The following VPS13C variants were observed in gnomAD, a reference collection of about 807,000 sequenced individuals.
The protein encoded by VPS13C is intermembrane lipid transfer protein VPS13C.
A neutral mutation model predicts 456.8 loss-of-function variants in VPS13C; 358 were observed. The ratio of observed to expected loss-of-function variants is 0.78; its 90% CI spans 0.72 to 0.86. The LOEUF (loss-of-function observed/expected upper bound fraction) is 0.86. Among genes scored for constraint, VPS13C ranks in the 40% least tolerant of loss-of-function variants. The pLI is 0.00. For missense variants in VPS13C, 4,818 were observed against 4,385.4 expected, an observed-to-expected ratio of 1.10 and a Z score of -2.79; for synonymous variants, 1,578 against 1,486.7, an observed-to-expected ratio of 1.06 and a Z score of -1.41.
At chr15:61,983,757 G>C in intron 20 of VPS13C, 63 bp downstream of exon 20, 1 of 1,501,932 alleles carries the variant, frequency 6.7e-7, no homozygotes, top group African/African-American at 1.4e-5. Context: ...GGAGAAATAA[G>C]AAAACAGTAT....
intron 16 of VPS13C, among the ~76,000 whole-genome samples, 190 bp downstream of exon 16, chr15:62,000,373 AT>A (rs1213072408): frequency 6.6e-6 from 1 of 152,134 alleles, no homozygotes; most frequent in African/African-American, 2.4e-5. Flanking sequence ...TCAAAAAAAA[AT>A]AATAATAAAA....
chr15:61,937,635 C>T (rs756906351), intron 47 of VPS13C, among the ~76,000 whole-genome samples: 3 of 152,114 alleles, frequency 2.0e-5, no homozygotes, highest in Non-Finnish European at 2.9e-5. Flanking sequence ...CCACCACGCC[C>T]GGCTAATTTT....
chr15:61,927,396 G>GT, intron 51 of VPS13C, 76 bp from the exon 52 acceptor site: 1 of 1,156,898 alleles, frequency 8.6e-7, no homozygotes, highest in Non-Finnish European at 1.3e-6. Flanking sequence ...TCTACAAGTT[G>GT]TTAAGTTGTT....
intron 12 of VPS13C, among the ~76,000 whole-genome samples, chr15:62,011,073 T>C (rs2047023147): frequency 6.6e-6 from 1 of 152,160 alleles, no homozygotes; most frequent in Non-Finnish European, 1.5e-5. Context: ...CACTTTATTA[T>C]TGTCAAAATA....
chr15:61,957,952 C>T (rs1404441637), intron 37 of VPS13C, among the ~76,000 whole-genome samples: 1 of 151,318 alleles, frequency 6.6e-6, no homozygotes, highest in Non-Finnish European at 1.5e-5. Context: ...TTAAAAACAG[C>T]AAAGTGAATA....
intron 35 of VPS13C, among the ~76,000 whole-genome samples, 171 bp downstream of exon 35, chr15:61,961,407 ACACACACACAC>A (rs2045199703): frequency 9.4e-6 from 1 of 106,310 alleles, no homozygotes; most frequent in Non-Finnish European, 2.0e-5. Flanking sequence ...ACACACACAC[ACACACACACAC>A]ACACACACAC....
rs755635031 is a variant in VPS13C at position 61,981,336 on chromosome 15, A to G, written c.2166+6T>C. ...TGGGCAGACAAAAAAACGCATATAT[A>G]CCTACCTGAAATGTACCAAAATCTA... On this transcript the variant is annotated splice_donor_region_variant and intron_variant, in intron 22 of 84. Coordinates refer to ENST00000644861, the MANE Select transcript of VPS13C (RefSeq NM_020821.3). 6.2e-7 allele frequency: 1 copy of G among 1,604,594 alleles called. No homozygotes were observed. Among genetic ancestry groups the G allele is most frequent in the South Asian group, 1.1e-5 (1 of 89,184 alleles).
chr15:61,980,417 C>T (rs2045845917), intron 22 of VPS13C, among the ~76,000 whole-genome samples: 1 of 152,092 alleles, frequency 6.6e-6, no homozygotes, highest in African/African-American at 2.4e-5. Flanking sequence ...ATAGCATCCG[C>T]TTATTGTGAG....
chr15:61,900,150 A>G (rs1454388041), intron 66 of VPS13C, among the ~76,000 whole-genome samples: 3 of 152,182 alleles, frequency 2.0e-5, no homozygotes, highest in Non-Finnish European at 4.4e-5. Context: ...ACCCACAGCC[A>G]ATATCATACT....
chr15:61,917,858 CA>C (rs1263010669), intron 59 of VPS13C, among the ~76,000 whole-genome samples: 4 of 151,948 alleles, frequency 2.6e-5, no homozygotes, highest in Admixed American at 2.6e-4. Context: ...AAACAAAAAA[CA>C]ACTCTGTAAA....
chr15:61,912,004 C>A lies in VPS13C; in HGVS notation c.8551G>T (p.Val2851Phe), dbSNP rs780257266. The A allele has an allele frequency of 1.3e-6, 2 of 1,575,284 alleles. No individual in the cohort carries two copies. Among genetic ancestry groups the A allele is most frequent in the African/African-American group, 1.4e-5 (1 of 74,060 alleles). The change falls in exon 63 of 85, where the codon GTT becomes TTT. Residue 2851 changes from valine to phenylalanine, a missense_variant and splice_region_variant. Transcript: ENST00000644861. ...CTGCTCATTTTGATGCTAACACCAACCTGTGGAAAGGAAAAAAGCTTATTT... is the reference window on the plus strand; with the variant it reads ...CTGCTCATTTTGATGCTAACACCAAACTGTGGAAAGGAAAAAAGCTTATTT... ...KCPANNMEYL[V>F]GVSIKMSSFN... is the part of the protein sequence containing the mutation.
At position 61,867,978 on chromosome 15, in the gene VPS13C, G is replaced by A; in HGVS notation, c.10863+681C>T. The A allele has an allele frequency of 1.4e-6, 2 of 1,431,038 alleles. No individual in the cohort carries two copies. The highest frequency in any genetic ancestry group is 2.0e-6 in the Non-Finnish European group (2 of 1,017,254). The allele number at this position is 1,431,038 out of a possible 1,614,324, so 88.6% of individuals were successfully genotyped here. On this transcript the variant is annotated intron_variant, in intron 81 of 84. Coordinates refer to ENST00000644861, the MANE Select transcript of VPS13C (RefSeq NM_020821.3). The surrounding 1 kb of genome is among the most constrained non-coding windows in gnomAD (Gnocchi z 5.0). ...CAGGCAGAAAAACAAAGAAAATAAAGTTAGAAGCATGCAGAAAGATAGATA... is the reference window on the plus strand; with the variant it reads ...CAGGCAGAAAAACAAAGAAAATAAAATTAGAAGCATGCAGAAAGATAGATA...
chr15:61,868,861 C>A, intron 80 of VPS13C, 88 bp from the exon 81 acceptor site: 1 of 1,063,740 alleles, frequency 9.4e-7, no homozygotes, highest in Non-Finnish European at 1.3e-6. Context: ...AAATATTTCA[C>A]AAAAAACAAT....
At chr15:62,032,472 T>C (rs1436026509) in intron 5 of VPS13C, among the ~76,000 whole-genome samples, 1 of 151,726 alleles carries the variant, frequency 6.6e-6, no homozygotes, top group East Asian at 1.9e-4. Flanking sequence ...TTTAAATAGT[T>C]TAGTAACTTT....
At chr15:61,914,750 G>A (rs1021741420) in intron 61 of VPS13C, among the ~76,000 whole-genome samples, 4 of 150,908 alleles carry the variant, frequency 2.7e-5, no homozygotes, top group Admixed American at 6.6e-5. Flanking sequence ...TAGTAGAGAC[G>A]GGGTTTCACC....
At chr15:62,032,894 A>T (rs940232614) in intron 5 of VPS13C, among the ~76,000 whole-genome samples, 9 of 151,782 alleles carry the variant, frequency 5.9e-5, no homozygotes, top group African/African-American at 1.9e-4. Context: ...AAACAAAGTC[A>T]TCAGATTTAT....
intron 15 of VPS13C, among the ~76,000 whole-genome samples, chr15:62,003,848 C>T (rs1410480375): frequency 6.6e-6 from 1 of 150,604 alleles, no homozygotes; most frequent in African/African-American, 2.4e-5. Flanking sequence ...GTTGAACCAG[C>T]CTTGCATCCC....
rs1019900872 is a variant in VPS13C, at chr15:62,009,136, T to C, written c.1012-375A>G. Among the ~76,000 whole-genome samples, 3 of 152,198 alleles carry C rather than the reference T, an allele frequency of 2.0e-5. No homozygotes were observed. The South Asian group carries it at 6.2e-4, about 32-fold the overall frequency. ...TATCTGTAAACTATGATATAAAATATGCCTGTTTCTAAGACTATATATTTT... is the reference window on the plus strand; with the variant it reads ...TATCTGTAAACTATGATATAAAATACGCCTGTTTCTAAGACTATATATTTT... On this transcript the variant is annotated intron_variant, in intron 13 of 84. Coordinates refer to ENST00000644861, the MANE Select transcript of VPS13C (RefSeq NM_020821.3).
chr15:61,960,492 T>C (rs2045157526), intron 35 of VPS13C, among the ~76,000 whole-genome samples: 1 of 152,218 alleles, frequency 6.6e-6, no homozygotes, highest in Non-Finnish European at 1.5e-5. Flanking sequence ...ATTATAGTAT[T>C]ACATCGATAT....
Sources: allele counts gnomAD v4.1 joint callset (sites outside exome capture counted in the v4.1 genomes callset), GRCh38; gene constraint gnomAD v4.1.1; non-coding constraint Gnocchi (gnomAD v3.1); transcripts MANE v1.5; gene names NCBI Gene and HGNC (gene_info 2026-07-23, HGNC 2026-07-21).